Variants in SERPINB6 observed in about 807,000 individuals in gnomAD.
The protein encoded by SERPINB6 is serpin B6.
SERPINB6 carries 16 observed loss-of-function variants against 26.1 expected under a neutral mutation model. The observed-to-expected ratio is 0.61, with a 90% CI of 0.42 to 0.93. The LOEUF is 0.93. Among genes scored for constraint, SERPINB6 ranks in the 40% least tolerant of loss-of-function variants. The pLI, the probability that SERPINB6 is intolerant of heterozygous loss-of-function variation, is 0.00. For missense variants in SERPINB6, 420 were observed against 478.0 expected, an observed-to-expected ratio of 0.88 and a Z score of 1.13; for synonymous variants, 174 against 176.6, an observed-to-expected ratio of 0.99 and a Z score of 0.11.
At chr6:2,952,184 T>C (rs752608978) in intron 5 of SERPINB6, among the ~76,000 whole-genome samples, 3 of 152,216 alleles carry the variant, frequency 2.0e-5, no homozygotes, top group Non-Finnish European at 4.4e-5. Flanking sequence ...CAGGGGAAAA[T>C]AGCACAGTTC....
rs771707904 is a variant in SERPINB6 at position 2,954,590 on chromosome 6, A to G, written c.430+2T>C. ...AAAAGTAGAATAACAATACATTTTC[A>G]CCTTCTGTCTTTTCAGCTACCCAGG... On this transcript the variant is annotated splice_donor_variant, in intron 4 of 6. Coordinates refer to ENST00000380539, the MANE Select transcript of SERPINB6 (RefSeq NM_004568.6). LOFTEE classifies it high-confidence loss of function. The G allele has an allele frequency of 1.2e-6, 2 of 1,604,974 alleles. No individual in the cohort carries two copies. Among genetic ancestry groups the G allele is most frequent in the Admixed American group, 3.3e-5 (2 of 60,008 alleles).
intron 4 of SERPINB6, among the ~76,000 whole-genome samples, chr6:2,953,477 G>T (rs939934357): frequency 1.3e-5 from 2 of 152,190 alleles, no homozygotes; most frequent in Non-Finnish European, 2.9e-5. Context: ...ATGACTTAAA[G>T]ACAAGAACTT....
At chr6:2,953,781 A>G (rs1286042851) in intron 4 of SERPINB6, among the ~76,000 whole-genome samples, 1 of 152,230 alleles carries the variant, frequency 6.6e-6, no homozygotes, top group Non-Finnish European at 1.5e-5. Context: ...CTGTAATCCC[A>G]GCACTTTGGG....
intron 1 of SERPINB6, chr6:2,969,445 AATG>A (rs1299457176): frequency 1.0e-5 from 10 of 968,092 alleles, no homozygotes; most frequent in Admixed American, 6.1e-5. Context: ...AAAAATAAAA[AATG>A]ATATTTAATC....
chr6:2,959,398 C>T, intron 1 of SERPINB6, 56 bp from the exon 2 acceptor site: 1 of 1,577,184 alleles, frequency 6.3e-7, no homozygotes. Context: ...GCGACTGCAT[C>T]TCACGCGCCT....
chr6:2,962,214 A>AC (rs1771197384), intron 1 of SERPINB6: 1 of 985,356 alleles, frequency 1.0e-6, no homozygotes, highest in African/African-American at 1.7e-5. Flanking sequence ...CCCAGGTTAC[A>AC]CCATCTGGGG....
rs912125030 is a variant in SERPINB6, at chr6:2,948,868, C to T, written c.729+46G>A. 5.6e-6 allele frequency: 9 copies of T among 1,612,734 alleles called. No homozygotes were observed. Among genetic ancestry groups the T allele is most frequent in the East Asian group, 2.2e-5 (1 of 44,892 alleles). ...GGACAGCAGCCACAGCAGACACCCC[C>T]GAGTGGCTCCTTGCTAGCACGCCTC... On this transcript the variant is annotated intron_variant, in intron 6 of 6. Transcript: ENST00000380539. This position sits in a 1 kb window ranked among gnomAD's most constrained non-coding sequence, Gnocchi z 5.0.
Position 2,952,971 on chromosome 6 carries a change from A to C in SERPINB6, c.573+73T>G. 2.5e-6 allele frequency: 4 copies of C among 1,603,520 alleles called. No homozygotes were observed. The South Asian group carries it at 4.4e-5, about 18-fold the overall frequency. On this transcript the variant is annotated intron_variant, in intron 5 of 6. Transcript: ENST00000380539. ...AGGGACAGAAAGGCCCCACGGCTGC[A>C]GACGCGGGAGGCCCCGAGCCGGAGA...
chr6:2,948,328 A>T lies in SERPINB6; in HGVS notation c.1101T>A (p.Ile367=), dbSNP rs1367017076. 1 of 1,613,972 alleles carries T rather than the reference A, an allele frequency of 6.2e-7. No homozygotes were observed. Among genetic ancestry groups the T allele is most frequent in the Non-Finnish European group, 8.5e-7 (1 of 1,179,996 alleles). ...GAGAGGAAAAGCGGCCGCAGAAGAG[A>T]ATCCCGTTGGTCTTGCTGTGCTGGA... The part of the protein sequence containing the change: ...FFIQHSKTNG[I]LFCGRFSSP Residue 367 remains isoleucine (I), a synonymous_variant, in exon 7 of 7, where the codon ATT becomes ATA. Coordinates refer to ENST00000380539, the MANE Select transcript of SERPINB6 (RefSeq NM_004568.6). This position sits in a 1 kb window ranked among gnomAD's most constrained non-coding sequence, Gnocchi z 5.0.
chr6:2,968,901 T>C (rs1006826342), intron 1 of SERPINB6: 2 of 1,228,492 alleles, frequency 1.6e-6, no homozygotes, highest in Middle Eastern at 3.1e-4. Flanking sequence ...TCGGTGTGGC[T>C]ATCGGTGGTG....
intron 1 of SERPINB6, chr6:2,968,401 A>G (rs1420338261): frequency 1.1e-5 from 8 of 758,850 alleles, no homozygotes; most frequent in Non-Finnish European, 1.3e-5. Flanking sequence ...AACCTGCGAC[A>G]TGAGTTTACC....
At position 2,948,729 on chromosome 6, in the gene SERPINB6, C is replaced by T. The variant is rs559412820; in HGVS notation, c.730-30G>A. On this transcript the variant is annotated intron_variant, in intron 6 of 6. Transcript: ENST00000380539. The surrounding 1 kb of genome is among the most constrained non-coding windows in gnomAD (Gnocchi z 5.0). ...AGGGAGACAGTTGAAGACTTTAAGA[C>T]CCAGGGTGCTGCTGCCCAGCAGGGC... 1.2e-6 allele frequency: 2 copies of T among 1,610,692 alleles called. No individual in the cohort carries two copies. The highest frequency in any genetic ancestry group is 1.7e-4 in the Middle Eastern group (1 of 6,060).
rs775311683 is a variant in SERPINB6, at chr6:2,948,394, G to A, written c.1035C>T (p.Phe345=). ...GGTGGTCGGCGCAGAAGCGGGGGAC[G>A]AATCTGGCACACCGCATCATCATGA... is the stretch of plus-strand genomic sequence containing the variant. ...AAIMMMRCAR[F]VPRFCADHPF... Residue 345 remains phenylalanine (F), a synonymous_variant, in exon 7 of 7, where the codon TTC becomes TTT. Coordinates refer to ENST00000380539, the MANE Select transcript of SERPINB6 (RefSeq NM_004568.6). This position sits in a 1 kb window ranked among gnomAD's most constrained non-coding sequence, Gnocchi z 5.0. 1.2e-5 allele frequency: 19 copies of A among 1,614,046 alleles called. No individual in the cohort carries two copies. The highest frequency in any genetic ancestry group is 6.7e-5 in the Admixed American group (4 of 60,002).
intron 1 of SERPINB6, among the ~76,000 whole-genome samples, chr6:2,964,296 G>A (rs549931555): frequency 6.6e-6 from 1 of 152,034 alleles, no homozygotes; most frequent in Admixed American, 6.6e-5. Flanking sequence ...TTCACTGAAG[G>A]TAAAACTCAC....
At chr6:2,969,024 G>C (rs1324440100) in intron 1 of SERPINB6, 3 of 1,203,070 alleles carry the variant, frequency 2.5e-6, no homozygotes, top group Non-Finnish European at 1.0e-6. Context: ...CCCTGAGTTT[G>C]AGCATTTTCA....
intron 5 of SERPINB6, among the ~76,000 whole-genome samples, chr6:2,950,870 C>T (rs554487802): frequency 5.3e-5 from 8 of 152,364 alleles, no homozygotes; most frequent in East Asian, 3.9e-4. Flanking sequence ...TACACTGCGG[C>T]GGCAGCTTTC....
chr6:2,951,331 T>A (rs1581233365), intron 5 of SERPINB6, among the ~76,000 whole-genome samples: 1 of 150,800 alleles, frequency 6.6e-6, no homozygotes. Context: ...GGCTGCAGTG[T>A]TCCGAGATGG....
chr6:2,953,172 A>G lies in SERPINB6; in HGVS notation c.445T>C (p.Leu149=). 6.2e-7 allele frequency: 1 copy of G among 1,614,128 alleles called. No homozygotes were observed. Among genetic ancestry groups the G allele is most frequent in the Non-Finnish European group, 8.5e-7 (1 of 1,180,020 alleles). ...GGATCCACTGAGCCCGGAGAGAGCA[A>G]CTCCGCAATTTTACCTGAGCGGAAG... is the stretch of plus-strand genomic sequence containing the variant. ...AEKTEGKIAE[L]LSPGSVDPLT... Residue 149 remains leucine, a synonymous_variant, in exon 5 of 7, where the codon TTG becomes CTG. Transcript: ENST00000380539.
chr6:2,948,809 G>A lies in SERPINB6; in HGVS notation c.729+105C>T. The A allele has an allele frequency of 6.4e-7, 1 of 1,568,830 alleles. No homozygotes were observed. Among genetic ancestry groups the A allele is most frequent in the Non-Finnish European group, 8.8e-7 (1 of 1,141,352 alleles). On this transcript the variant is annotated intron_variant, in intron 6 of 6. Coordinates refer to ENST00000380539, the MANE Select transcript of SERPINB6 (RefSeq NM_004568.6). The surrounding 1 kb of genome is among the most constrained non-coding windows in gnomAD (Gnocchi z 5.0). ...AGTGGCAGCGTGGCTATGGTCAGCA[G>A]CGCTCCAGTGTTAAACGGCTGACCG...
Sources: gnomAD v4.1 joint callset for allele counts (sites outside exome capture counted in the v4.1 genomes callset) on GRCh38, gnomAD v4.1.1 for gene constraint, Gnocchi (gnomAD v3.1) non-coding constraint, MANE v1.5 for transcripts, NCBI Gene and HGNC (gene_info 2026-07-23, HGNC 2026-07-21) for gene names.